Variants in SVOPL observed in about 807,000 individuals in gnomAD.
The protein encoded by SVOPL is SVOP like.
In SVOPL, 60 loss-of-function variants were observed where a neutral mutation model predicts 61.0. The observed-to-expected ratio is 0.98, with a 90% CI of 0.80 to 1.22. SVOPL has a LOEUF of 1.22. Among genes scored for constraint, SVOPL ranks in the 50% most tolerant of loss-of-function variants. The pLI is 0.00. For synonymous variants in SVOPL, 279 were observed against 250.0 expected (o/e 1.12, Z -1.09); for missense variants, 662 against 643.9 (o/e 1.03, Z -0.30).
chr7:138,645,947 T>C (rs945184598), intron 8 of SVOPL, among the ~76,000 whole-genome samples: 2 of 151,848 alleles, frequency 1.3e-5, no homozygotes, highest in Non-Finnish European at 1.5e-5. Context: ...TCCTGAGTAG[T>C]TGGGATTACA....
intron 10 of SVOPL, 88 bp downstream of exon 10, chr7:138,629,961 C>T: frequency 1.9e-6 from 2 of 1,036,032 alleles, no homozygotes; most frequent in South Asian, 1.4e-5. Flanking sequence ...ATGTTTTTCT[C>T]CCCAGTGGCA....
intron 6 of SVOPL, 72 bp from the exon 7 acceptor site, chr7:138,656,583 T>C: frequency 6.5e-7 from 1 of 1,526,882 alleles, no homozygotes; most frequent in South Asian, 1.1e-5. Context: ...ATAATCAGTT[T>C]TTCTTGTCAC....
At chr7:138,689,465 C>A in intron 1 of SVOPL, 2 of 968,180 alleles carry the variant, frequency 2.1e-6, no homozygotes, top group Non-Finnish European at 3.2e-6. Flanking sequence ...AACCAGAAGA[C>A]AAGGTTGCCC....
At chr7:138,596,377 T>C (rs1798278528) in intron 15 of SVOPL, 40 bp downstream of exon 15, 5 of 1,582,852 alleles carry the variant, frequency 3.2e-6, no homozygotes, top group Admixed American at 1.7e-5. Flanking sequence ...TGGGCAAAAG[T>C]GGTAGTTGAA....
At chr7:138,606,127 C>A (rs565062850) in intron 14 of SVOPL, among the ~76,000 whole-genome samples, 178 of 152,186 alleles carry the variant, frequency 1.2e-3, no homozygotes, top group African/African-American at 4.1e-3. Flanking sequence ...ATGCACACGT[C>A]CTGGTCCTCA....
At position 138,644,727 on chromosome 7, in the gene SVOPL, T is replaced by A; in HGVS notation, c.779A>T (p.Glu260Val). 1 of 1,614,060 alleles carries A rather than the reference T, an allele frequency of 6.2e-7. No individual in the cohort carries two copies. Among genetic ancestry groups the A allele is most frequent in the Non-Finnish European group, 8.5e-7 (1 of 1,180,012 alleles). Residue 260 changes from glutamate (E) to valine (V), a missense_variant, in exon 9 of 16, where the codon GAG becomes GTG. Coordinates refer to ENST00000674285, the MANE Select transcript of SVOPL (RefSeq NM_001139456.2). ...GGGGCCAGCACTCACCAGGACGGGC[T>A]CCACCAGCTTCCCCTCCGGCATGAC... ...RSVMPEGKLV[E>V]PVLEKRGRFA...
intron 5 of SVOPL, chr7:138,660,997 A>G (rs1268047540): frequency 7.1e-6 from 7 of 982,882 alleles, no homozygotes; most frequent in Non-Finnish European, 8.5e-6. Context: ...ATGTTTTTTC[A>G]AAGTTTCTTG....
chr7:138,597,992 G>T (rs1166023495), intron 14 of SVOPL, among the ~76,000 whole-genome samples: 2 of 152,098 alleles, frequency 1.3e-5, no homozygotes, highest in African/African-American at 4.8e-5. Context: ...CTTCCCTGAA[G>T]CTTCGTAACA....
intron 5 of SVOPL, chr7:138,662,862 C>A (rs376548429): frequency 3.5e-6 from 5 of 1,417,678 alleles, no homozygotes; most frequent in Non-Finnish European, 4.6e-6. Context: ...TTACTCCACA[C>A]CTGGACTGCA....
At chr7:138,671,627 C>A (rs931898241) in intron 4 of SVOPL, among the ~76,000 whole-genome samples, 3 of 152,184 alleles carry the variant, frequency 2.0e-5, no homozygotes, top group Non-Finnish European at 4.4e-5. Flanking sequence ...GGATTACAGG[C>A]ATGAGCCACT....
chr7:138,685,286 A>T (rs970529354), intron 1 of SVOPL, among the ~76,000 whole-genome samples: 2 of 152,178 alleles, frequency 1.3e-5, no homozygotes, highest in Non-Finnish European at 2.9e-5. Flanking sequence ...ATCTGCAACA[A>T]GGTGGATGAA....
chr7:138,597,641 C>CGTGTGTGTGTGTGTGTGTGTGTGT (rs60875635), intron 14 of SVOPL, among the ~76,000 whole-genome samples: 246 of 147,614 alleles, frequency 1.7e-3, no homozygotes, highest in Non-Finnish European at 2.8e-3. Flanking sequence ...ATAACGTCTG[C>CGTGTGTGTGTGTGTGTGTGTGTGT]GTGTGTGTGT....
At position 138,676,444 on chromosome 7, in the gene SVOPL, AGGAAC is replaced by A. The variant is rs543919783; in HGVS notation, c.174+1985_174+1989del. On this transcript the variant is annotated intron_variant, in intron 3 of 15. Transcript: ENST00000674285. ...ACTCCCTCGTGTCCTTCGAGAGTGG[AGGAAC>A]CACTGCGCTCACAGGGTGGAAAGGC... 2.9e-3 allele frequency among the ~76,000 whole-genome samples: 444 copies of A among 152,048 alleles called. 4 individuals are homozygous for A. Among genetic ancestry groups the A allele is most frequent in the African/African-American group, 0.01 (428 of 41,320 alleles).
At chr7:138,658,717 A>G (rs979976801) in intron 6 of SVOPL, among the ~76,000 whole-genome samples, 1 of 152,224 alleles carries the variant, frequency 6.6e-6, no homozygotes, top group Admixed American at 6.5e-5. Context: ...CTCACCATCA[A>G]GCATCATTTT....
chr7:138,628,506 G>A lies in SVOPL; in HGVS notation c.864-143C>T, dbSNP rs11983955. The A allele has an allele frequency of 0.015, 11,521 of 793,964 alleles. 955 individuals carry two copies. The African/African-American group carries it at 0.18, about 12-fold the overall frequency. 49.2% of individuals were successfully genotyped at this position (793,964 alleles called of 1,614,324 possible). A position where few individuals can be genotyped will look rare whatever the true frequency, so the allele number is the denominator to read the frequency against. ...GGCTCAGACGCCACACAGAGCATTCGTGGAAGTGTCTCTTACACATCATAC... is the reference window on the plus strand; with the variant it reads ...GGCTCAGACGCCACACAGAGCATTCATGGAAGTGTCTCTTACACATCATAC... On this transcript the variant is annotated intron_variant, in intron 10 of 15. Coordinates refer to ENST00000674285, the MANE Select transcript of SVOPL (RefSeq NM_001139456.2).
chr7:138,621,682 C>G (rs1799567837), intron 13 of SVOPL, among the ~76,000 whole-genome samples: 3 of 152,208 alleles, frequency 2.0e-5, no homozygotes, highest in African/African-American at 7.2e-5. Flanking sequence ...CTCAACCTCC[C>G]AAAGTGCTGG....
chr7:138,684,934 CTTT>C (rs201231483), intron 1 of SVOPL, among the ~76,000 whole-genome samples: 6 of 140,098 alleles, frequency 4.3e-5, no homozygotes, highest in Admixed American at 1.4e-4. Flanking sequence ...TTTTTCTTTT[CTTT>C]TTTTTTTTTT....
chr7:138,628,148 G>A lies in SVOPL; in HGVS notation c.1069+10C>T. On this transcript the variant is annotated intron_variant, in intron 11 of 15. Coordinates refer to ENST00000674285, the MANE Select transcript of SVOPL (RefSeq NM_001139456.2). The stretch of plus-strand genomic sequence containing the variant: ...AGACAGAGAGACCCAACACGCAGAG[G>A]GACACTTACAAGCAATTTCACCGAT... The A allele has an allele frequency of 6.2e-7, 1 of 1,613,988 alleles. No individual in the cohort carries two copies. Among genetic ancestry groups the A allele is most frequent in the South Asian group, 1.1e-5 (1 of 91,046 alleles).
intron 7 of SVOPL, among the ~76,000 whole-genome samples, chr7:138,656,219 A>G (rs1801722665): frequency 6.6e-6 from 1 of 152,222 alleles, no homozygotes; most frequent in Admixed American, 6.5e-5. Flanking sequence ...AGGTGTGTAC[A>G]TTGCTTTTTA....
Sources: gnomAD v4.1 joint callset for allele counts (sites outside exome capture counted in the v4.1 genomes callset) on GRCh38, gnomAD v4.1.1 for gene constraint, MANE v1.5 for transcripts, NCBI Gene and HGNC (gene_info 2026-07-23, HGNC 2026-07-21) for gene names.